The following PCSK5 variants were observed in gnomAD, a reference collection of about 807,000 sequenced individuals.
The protein encoded by PCSK5 is prohormone convertase 5.
A neutral mutation model predicts 233.2 loss-of-function variants in PCSK5; 129 were observed. The ratio of observed to expected loss-of-function variants is 0.55; its 90% CI spans 0.48 to 0.64. The LOEUF is 0.64. Ranked by LOEUF, PCSK5 falls within the 30% of genes least tolerant of loss-of-function variation. PCSK5 has a pLI of 0.00. For missense variants in PCSK5, 2,076 were observed against 2,430.1 expected (o/e 0.85, Z 3.06); for synonymous variants, 825 against 879.2 (o/e 0.94, Z 1.09).
At chr9:76,103,615 G>C (rs867322491) in intron 8 of PCSK5, among the ~76,000 whole-genome samples, 7 of 152,150 alleles carry the variant, frequency 4.6e-5, no homozygotes, top group Non-Finnish European at 7.4e-5. Context: ...GTCTAAACCT[G>C]AACAGTACCC....
intron 24 of PCSK5, among the ~76,000 whole-genome samples, chr9:76,260,939 CATTAT>C (rs1345392035): frequency 3.9e-5 from 6 of 152,070 alleles, no homozygotes; most frequent in African/African-American, 1.2e-4. Flanking sequence ...TTATTAATAT[CATTAT>C]ATTATATCAA....
intron 9 of PCSK5, among the ~76,000 whole-genome samples, chr9:76,122,826 TC>T (rs58986033): frequency 0.39 from 49,907 of 126,520 alleles, 9,794 homozygotes; most frequent in Non-Finnish European, 0.47. Context: ...CTTTTTTTTT[TC>T]TTTTTTTTTT....
At chr9:76,324,116 G>A (rs994931473) in intron 32 of PCSK5, among the ~76,000 whole-genome samples, 1 of 151,696 alleles carries the variant, frequency 6.6e-6, no homozygotes, top group Non-Finnish European at 1.5e-5. Context: ...AGTAGAGAGG[G>A]GGTTTCACCA....
intron 1 of PCSK5, among the ~76,000 whole-genome samples, chr9:75,900,123 A>G (rs1000809014): frequency 6.6e-6 from 1 of 152,110 alleles, no homozygotes; most frequent in Non-Finnish European, 1.5e-5. Context: ...CGCTCCCTTC[A>G]TCTCTTTCTT....
intron 7 of PCSK5, among the ~76,000 whole-genome samples, chr9:76,081,193 C>A (rs1179219806): frequency 6.6e-6 from 1 of 152,162 alleles, no homozygotes; most frequent in African/African-American, 2.4e-5. Context: ...GTGGCTCTCG[C>A]CTGTAATCCC....
At chr9:76,139,470 T>C (rs1823114653) in intron 10 of PCSK5, among the ~76,000 whole-genome samples, 1 of 152,082 alleles carries the variant, frequency 6.6e-6, no homozygotes, top group Admixed American at 6.6e-5. Context: ...TGAAGTGAAG[T>C]GGTACTCATC....
chr9:75,965,027 A>C (rs970652261), intron 2 of PCSK5, among the ~76,000 whole-genome samples: 1 of 152,180 alleles, frequency 6.6e-6, no homozygotes, highest in Non-Finnish European at 1.5e-5. Context: ...TATCACAAAT[A>C]AGTTGTGATA....
At chr9:76,263,634 G>A (rs184840651) in intron 24 of PCSK5, among the ~76,000 whole-genome samples, 4 of 151,966 alleles carry the variant, frequency 2.6e-5, no homozygotes, top group East Asian at 1.9e-4. Context: ...GTTGTGGGGT[G>A]GGGGGAGTGG....
intron 2 of PCSK5, among the ~76,000 whole-genome samples, chr9:75,957,490 G>C (rs936230680): frequency 1.3e-5 from 2 of 152,122 alleles, no homozygotes; most frequent in East Asian, 3.9e-4. Context: ...CAAAGAATCA[G>C]AAGTTGTCAC....
At chr9:76,121,405 AT>A (rs1832625097) in intron 9 of PCSK5, among the ~76,000 whole-genome samples, 1 of 151,846 alleles carries the variant, frequency 6.6e-6, no homozygotes, top group East Asian at 1.9e-4. Flanking sequence ...TTTTTCTGAG[AT>A]TTTCTTTTAC....
intron 5 of PCSK5, among the ~76,000 whole-genome samples, chr9:76,042,665 A>G (rs554163027): frequency 6.6e-6 from 1 of 152,208 alleles, no homozygotes; most frequent in African/African-American, 2.4e-5. Context: ...TAAAAAACCT[A>G]AAAGTTTCAG....
intron 7 of PCSK5, among the ~76,000 whole-genome samples, chr9:76,076,557 A>G (rs879419554): frequency 2.6e-5 from 4 of 152,196 alleles, no homozygotes; most frequent in Non-Finnish European, 5.9e-5. Context: ...AGAGATTTTC[A>G]CAGAGGAAAT....
chr9:76,118,502 C>G (rs1832517200), intron 9 of PCSK5, among the ~76,000 whole-genome samples: 1 of 151,982 alleles, frequency 6.6e-6, no homozygotes, highest in African/African-American at 2.4e-5. Flanking sequence ...TTTTTCATCA[C>G]AGTGGTGCTT....
intron 20 of PCSK5, among the ~76,000 whole-genome samples, chr9:76,218,964 A>C (rs201176558): frequency 6.6e-6 from 1 of 152,204 alleles, no homozygotes; most frequent in East Asian, 1.9e-4. Flanking sequence ...TCAGTCACCA[A>C]GGGACAGAGG....
chr9:75,939,703 C>T (rs1824214092), intron 2 of PCSK5, among the ~76,000 whole-genome samples: 1 of 152,234 alleles, frequency 6.6e-6, no homozygotes, highest in East Asian at 1.9e-4. Flanking sequence ...TTAAGTTAGA[C>T]ACCCATGCGC....
In PCSK5 at chr9:76,108,515, G is replaced by A. The variant is rs559510700; in HGVS notation, c.1208+1164G>A. Among the ~76,000 whole-genome samples, 6 of 152,298 alleles carry A rather than the reference G, an allele frequency of 3.9e-5. No individual in the cohort carries two copies. In the South Asian group the frequency reaches 1.2e-3, roughly 32 times the overall value. The stretch of plus-strand genomic sequence containing the variant: ...TATGCCTGTAATCCCAGCACTTTGG[G>A]AGGCCAAGGCGGGTGGATCACGAGG... On this transcript the variant is annotated intron_variant, in intron 9 of 37. Transcript: ENST00000674117.
intron 2 of PCSK5, among the ~76,000 whole-genome samples, chr9:75,982,016 A>G (rs1389157426): frequency 6.6e-6 from 1 of 152,246 alleles, no homozygotes; most frequent in Non-Finnish European, 1.5e-5. Flanking sequence ...CTAGAAAGCA[A>G]CCAGTTTATC....
At chr9:76,345,576 G>A (rs1167534319) in intron 35 of PCSK5, among the ~76,000 whole-genome samples, 3 of 151,708 alleles carry the variant, frequency 2.0e-5, no homozygotes, top group Admixed American at 6.6e-5. Context: ...CTGCTGCCAC[G>A]ACCTGCTAAT....
intron 24 of PCSK5, among the ~76,000 whole-genome samples, chr9:76,280,710 T>C (rs1827837288): frequency 6.6e-6 from 1 of 152,050 alleles, no homozygotes; most frequent in Non-Finnish European, 1.5e-5. Context: ...CACTCCAGCC[T>C]GAGTGACAGA....
Sources: gnomAD v4.1 joint callset for allele counts (sites outside exome capture counted in the v4.1 genomes callset) on GRCh38, gnomAD v4.1.1 for gene constraint, MANE v1.5 for transcripts, NCBI Gene and HGNC (gene_info 2026-07-23, HGNC 2026-07-21) for gene names.